SAMMSON: variants seen among roughly 807,000 people sequenced by gnomAD.
SAMMSON encodes survival associated mitochondrial melanoma specific oncogenic non-coding RNA.
chr3:70,159,187 T>G (rs917075471), intron 4 of SAMMSON, among the ~76,000 whole-genome samples: 4 of 152,136 alleles, frequency 2.6e-5, no homozygotes, highest in African/African-American at 4.8e-5. Flanking sequence ...GATTTTTTTT[T>G]GTTATACTTT....
At chr3:70,106,769 C>T (rs1418918959) in intron 4 of SAMMSON, among the ~76,000 whole-genome samples, 1 of 152,086 alleles carries the variant, frequency 6.6e-6, no homozygotes, top group African/African-American at 2.4e-5. Context: ...ATGGTCATTG[C>T]GATCATCAAC....
chr3:70,307,805 AC>A (rs1428651907), intron 7 of SAMMSON, among the ~76,000 whole-genome samples: 49 of 152,238 alleles, frequency 3.2e-4, no homozygotes, highest in African/African-American at 1.1e-3. Flanking sequence ...AATGTCCACT[AC>A]TTAACCTACA....
chr3:70,410,893 A>C (rs530701748), intron 2 of SAMMSON, among the ~76,000 whole-genome samples: 1 of 152,282 alleles, frequency 6.6e-6, no homozygotes, highest in African/African-American at 2.4e-5. Context: ...GAAACCCATA[A>C]GAAATTGGCA....
At chr3:70,202,372 A>G (rs1482145569) in intron 4 of SAMMSON, among the ~76,000 whole-genome samples, 3 of 152,186 alleles carry the variant, frequency 2.0e-5, no homozygotes, top group African/African-American at 7.2e-5. Flanking sequence ...CTCCAAGTTC[A>G]TACCAGTGCA....
At chr3:70,260,036 C>T (rs571932401) in intron 6 of SAMMSON, among the ~76,000 whole-genome samples, 25 of 152,296 alleles carry the variant, frequency 1.6e-4, no homozygotes, top group Non-Finnish European at 2.9e-4. Context: ...TCCCTTGACA[C>T]ATGGGGATTA....
At chr3:70,019,789 A>G (rs2067004102) in intron 3 of SAMMSON, among the ~76,000 whole-genome samples, 1 of 151,978 alleles carries the variant, frequency 6.6e-6, no homozygotes, top group African/African-American at 2.4e-5. Context: ...GGTGACAAAC[A>G]GAAGTGCTGT....
chr3:70,007,345 T>C (rs1259246199), intron 1 of SAMMSON, among the ~76,000 whole-genome samples: 4 of 152,224 alleles, frequency 2.6e-5, no homozygotes, highest in Admixed American at 2.6e-4. Flanking sequence ...CCATTCTAAC[T>C]GGTGTGAGAT....
Position 70,237,979 on chromosome 3 carries a change from C to CTTTTTTTTTTTTTTTTTTTTTTTTT in SAMMSON, n.508-11126_508-11102dup, listed in dbSNP as rs71672662. ...GGAAAAGAAACTAATTGAGTGGTAT[C>CTTTTTTTTTTTTTTTTTTTTTTTTT]TTTTTTTTTTTTTTTTTTTTTTTTT... On this transcript the variant is annotated intron_variant and non_coding_transcript_variant, in intron 4 of 9. Transcript: ENST00000642114. 3.1e-4 allele frequency among the ~76,000 whole-genome samples: 15 copies of CTTTTTTTTTTTTTTTTTTTTTTTTT among 48,942 alleles called. 5 individuals are homozygous for CTTTTTTTTTTTTTTTTTTTTTTTTT. Among genetic ancestry groups the CTTTTTTTTTTTTTTTTTTTTTTTTT allele is most frequent in the African/African-American group, 1.1e-3 (10 of 9,426 alleles). The allele number at this position is 48,942 out of a possible 152,430, so 32.1% of individuals were successfully genotyped here. A position where few individuals can be genotyped will look rare whatever the true frequency, so the allele number is the denominator to read the frequency against.
At position 70,306,132 on chromosome 3, in the gene SAMMSON, C is replaced by A. The variant is rs141705728; in HGVS notation, n.739+14889C>A. Among the ~76,000 whole-genome samples the A allele has an allele frequency of 3.8e-3, 586 of 152,238 alleles. 2 individuals are homozygous for A. Among genetic ancestry groups the A allele is most frequent in the Non-Finnish European group, 6.1e-3 (418 of 68,018 alleles). The stretch of plus-strand genomic sequence containing the variant: ...ATTTATTTATTTATTGAGATGGAGT[C>A]TTGCTCTCTTACTCAGGCTGGAGTG... On this transcript the variant is annotated intron_variant and non_coding_transcript_variant, in intron 7 of 9. Coordinates refer to ENST00000642114, the Ensembl canonical transcript of SAMMSON.
At chr3:70,415,596 C>T (rs1701258004) in intron 2 of SAMMSON, among the ~76,000 whole-genome samples, 1 of 152,018 alleles carries the variant, frequency 6.6e-6, no homozygotes, top group Admixed American at 6.6e-5. Context: ...TTGGGAAGAC[C>T]CAGTTTTGTT....
chr3:70,297,134 A>C (rs1702297190), intron 7 of SAMMSON, among the ~76,000 whole-genome samples: 1 of 152,092 alleles, frequency 6.6e-6, no homozygotes, highest in African/African-American at 2.4e-5. Context: ...TTGCTTACTT[A>C]AAAAAATATT....
intron 4 of SAMMSON, among the ~76,000 whole-genome samples, chr3:70,202,362 C>T (rs1701248404): frequency 2.0e-5 from 3 of 152,156 alleles, no homozygotes; most frequent in Non-Finnish European, 4.4e-5. Flanking sequence ...TACTAGTGGT[C>T]TCCAAGTTCA....
intron 4 of SAMMSON, chr3:70,204,433 T>G (rs1701270419): frequency 6.6e-6 from 1 of 152,164 alleles, no homozygotes; most frequent in Non-Finnish European, 1.5e-5. Flanking sequence ...GAGTTTCTTA[T>G]CACTCTTTGT....
intron 7 of SAMMSON, among the ~76,000 whole-genome samples, chr3:70,344,468 T>G (rs1464384099): frequency 6.6e-6 from 1 of 152,054 alleles, no homozygotes; most frequent in African/African-American, 2.4e-5. Flanking sequence ...CCTCCACCAC[T>G]CAATGAAACC....
chr3:70,169,626 G>A (rs2067653749), intron 4 of SAMMSON, among the ~76,000 whole-genome samples: 2 of 143,322 alleles, frequency 1.4e-5, no homozygotes, highest in South Asian at 4.5e-4. Context: ...GGAGAGTTTA[G>A]AGAGGTCTTT....
At chr3:70,432,314 C>CT (rs928080448) in intron 2 of SAMMSON, among the ~76,000 whole-genome samples, 3 of 150,602 alleles carry the variant, frequency 2.0e-5, no homozygotes, top group Non-Finnish European at 4.4e-5. Context: ...TATGTTAGTC[C>CT]TTTCCTCCAT....
chr3:70,220,514 C>T (rs1701452797), intron 4 of SAMMSON, among the ~76,000 whole-genome samples: 3 of 152,068 alleles, frequency 2.0e-5, no homozygotes, highest in South Asian at 4.1e-4. Context: ...CAATTTCTAA[C>T]TGGTACAAAA....
At position 70,419,002 on chromosome 3, in the gene SAMMSON, TTTCTTTCTTTCTTTCC is replaced by T. The variant is rs551954918; in HGVS notation, n.234-43542_234-43527del. On this transcript the variant is annotated intron_variant and non_coding_transcript_variant, in intron 2 of 3. Transcript: ENST00000641053. ...CCTTCTCTCTCTCTCTCTCTCTCTC[TTTCTTTCTTTCTTTCC>T]TTCTTTCTTTCTTTCTTCTTTCTTT... 6.4e-3 allele frequency among the ~76,000 whole-genome samples: 847 copies of T among 133,136 alleles called. 12 individuals carry two copies. Among genetic ancestry groups the T allele is most frequent in the African/African-American group, 0.022 (795 of 35,762 alleles). The allele number at this position is 133,136 out of a possible 152,430, so 87.3% of individuals were successfully genotyped here.
chr3:70,326,682 A>T lies in SAMMSON; in HGVS notation n.740-27493A>T, dbSNP rs115232848. Among the ~76,000 whole-genome samples, 474 of 152,190 alleles carry T rather than the reference A, an allele frequency of 3.1e-3. 1 individual carries two copies. Among genetic ancestry groups the T allele is most frequent in the Non-Finnish European group, 5.4e-3 (370 of 67,996 alleles). On this transcript the variant is annotated intron_variant and non_coding_transcript_variant, in intron 7 of 9. Coordinates refer to ENST00000642114, the Ensembl canonical transcript of SAMMSON. ...TCCTCCCTTTTTCCCCAAATTTTGA[A>T]TATATTTTTCTCTCTTATATGATTA...
Sources: gnomAD v4.1 joint callset for allele counts (sites outside exome capture counted in the v4.1 genomes callset) on GRCh38, gnomAD v4.1.1 for gene constraint, MANE v1.5 for transcripts, NCBI Gene and HGNC (gene_info 2026-07-23, HGNC 2026-07-21) for gene names.